The following SLC2A12 variants were observed in gnomAD, a reference collection of about 807,000 sequenced individuals.
SLC2A12 encodes solute carrier family 2, facilitated glucose transporter member 12.
In SLC2A12, 23 loss-of-function variants were observed where a neutral mutation model predicts 41.8. That is an observed-to-expected ratio of 0.55 (90% CI 0.40 to 0.78). The LOEUF (loss-of-function observed/expected upper bound fraction) is 0.78. Ranked by LOEUF, SLC2A12 falls within the 30% of genes least tolerant of loss-of-function variation. The pLI, the probability that SLC2A12 is intolerant of heterozygous loss-of-function variation, is 0.00. For missense variants in SLC2A12, 654 were observed against 745.6 expected (o/e 0.88, Z 1.43); for synonymous variants, 295 against 285.9 (o/e 1.03, Z -0.32).
Position 134,029,697 on chromosome 6 carries a change from G to A in SLC2A12, c.128C>T (p.Ser43Leu). ...ARGCGMFTFL[S>L]SVTAAVSGLL... ...GCCACTGACAGCAGCAGTGACAGAT[G>A]ACAGGAAGGTAAACATGCCGCAGCC... Residue 43 changes from serine (S) to leucine (L), a missense_variant, in exon 2 of 5, where the codon TCA becomes TTA. Transcript: ENST00000275230. 1 of 1,603,578 alleles carries A rather than the reference G, an allele frequency of 6.2e-7. No homozygotes were observed. Among genetic ancestry groups the A allele is most frequent in the Non-Finnish European group, 8.5e-7 (1 of 1,177,130 alleles).
chr6:134,019,956 C>T (rs540424182), intron 2 of SLC2A12, among the ~76,000 whole-genome samples: 6 of 147,364 alleles, frequency 4.1e-5, no homozygotes, highest in Admixed American at 7.0e-5. Flanking sequence ...ACTCAGGAGG[C>T]GGAGATTGCA....
At chr6:133,998,204 G>T (rs182456745) in intron 4 of SLC2A12, among the ~76,000 whole-genome samples, 1 of 152,208 alleles carries the variant, frequency 6.6e-6, no homozygotes, top group Admixed American at 6.5e-5. Flanking sequence ...AATAAGTTCT[G>T]TTGGGTTTTA....
At chr6:134,026,624 T>C (rs763006113) in intron 2 of SLC2A12, among the ~76,000 whole-genome samples, 34 of 152,296 alleles carry the variant, frequency 2.2e-4, no homozygotes, top group Non-Finnish European at 3.7e-4. Flanking sequence ...TTAATGGTAA[T>C]TATCATTGTT....
In SLC2A12 at chr6:134,028,406, A is replaced by G; in HGVS notation, c.1419T>C (p.Ala473=). 1.2e-6 allele frequency: 2 copies of G among 1,613,134 alleles called. No homozygotes were observed. The change falls in exon 2 of 5, where the codon GCT becomes GCC. Residue 473 remains alanine, a synonymous_variant. Transcript: ENST00000275230. ...LSLASLLVYV[A]AFSIGLGPMP... ...TTGGTCCTAGACCAATTGAAAAAGC[A>G]GCAACATAAACAAGCAAGCTGGCTA...
chr6:134,044,147 G>C (rs575308566), intron 1 of SLC2A12, among the ~76,000 whole-genome samples: 14 of 152,236 alleles, frequency 9.2e-5, no homozygotes, highest in African/African-American at 3.4e-4. Context: ...AGTCTCCAGG[G>C]ACTGGCTGAA....
chr6:134,037,977 T>A (rs1307758153), intron 1 of SLC2A12, among the ~76,000 whole-genome samples: 3 of 152,094 alleles, frequency 2.0e-5, no homozygotes, highest in Non-Finnish European at 4.4e-5. Flanking sequence ...TATTGACAAA[T>A]ACTGGGTACA....
intron 1 of SLC2A12, among the ~76,000 whole-genome samples, chr6:134,044,500 G>T (rs1486277102): frequency 1.3e-5 from 2 of 152,054 alleles, no homozygotes; most frequent in Admixed American, 1.3e-4. Flanking sequence ...GATCACTTGA[G>T]GTCAGGAGTT....
intron 1 of SLC2A12, among the ~76,000 whole-genome samples, chr6:134,039,788 G>A (rs563514313): frequency 4.6e-5 from 7 of 152,200 alleles, no homozygotes; most frequent in Non-Finnish European, 8.8e-5. Context: ...CATCTGCTTG[G>A]TGATAAGTGA....
intron 1 of SLC2A12, among the ~76,000 whole-genome samples, chr6:134,036,310 G>C (rs188011817): frequency 1.3e-5 from 2 of 152,050 alleles, no homozygotes; most frequent in African/African-American, 4.8e-5. Context: ...TGGCCTTGCA[G>C]CTATGGCCTG....
intron 1 of SLC2A12, among the ~76,000 whole-genome samples, chr6:134,046,780 A>G (rs1314302811): frequency 6.6e-6 from 1 of 152,172 alleles, no homozygotes; most frequent in Non-Finnish European, 1.5e-5. Flanking sequence ...TCCAGCCTGG[A>G]TGACAGAGCA....
chr6:134,003,501 T>G (rs985473976), intron 3 of SLC2A12, among the ~76,000 whole-genome samples: 1 of 152,234 alleles, frequency 6.6e-6, no homozygotes, highest in African/African-American at 2.4e-5. Context: ...GCTAAAAAGT[T>G]ATTCCTTGCT....
In SLC2A12 at chr6:134,052,416, G is replaced by A. The variant is rs777493370; in HGVS notation, c.65C>T (p.Thr22Met). 2.5e-6 allele frequency: 4 copies of A among 1,613,086 alleles called. No homozygotes were observed. In the Admixed American group the frequency reaches 5.0e-5, roughly 20 times the overall value. Residue 22 changes from threonine (T) to methionine (M), a missense_variant, in exon 1 of 5, where the codon ACG becomes ATG. By Grantham distance (81) the Thr-to-Met change is moderately conservative. This residue lies in a region of SLC2A12 where 109 missense variants were observed against 153.0 expected (regional missense o/e 0.71). Coordinates refer to ENST00000275230, the MANE Select transcript of SLC2A12 (RefSeq NM_145176.3). ...LLNQKGTAVE[T>M]EGSGSRHPPW... ...AGGATGCCGGCTGCCGCTGCCCTCC[G>A]TCTCCACGGCTGTCCCCTTCTGGTT...
chr6:134,040,360 T>C (rs1057059062), intron 1 of SLC2A12, among the ~76,000 whole-genome samples: 7 of 152,170 alleles, frequency 4.6e-5, no homozygotes, highest in African/African-American at 1.7e-4. Flanking sequence ...ATTACAGGTG[T>C]GAGCCACCAC....
chr6:134,020,022 C>T (rs1245617529), intron 2 of SLC2A12, among the ~76,000 whole-genome samples: 5 of 130,976 alleles, frequency 3.8e-5, no homozygotes, highest in African/African-American at 1.4e-4. Flanking sequence ...GAGATTCCAT[C>T]TCAAAAAAAA....
At chr6:134,038,411 G>T (rs1345598278) in intron 1 of SLC2A12, among the ~76,000 whole-genome samples, 1 of 142,512 alleles carries the variant, frequency 7.0e-6, no homozygotes, top group South Asian at 2.2e-4. Flanking sequence ...GCCCAGGCTG[G>T]AGTGTAGTGG....
chr6:134,012,862 T>A (rs996292045), intron 2 of SLC2A12, among the ~76,000 whole-genome samples: 1 of 152,106 alleles, frequency 6.6e-6, no homozygotes. Flanking sequence ...TCCTAGCTAC[T>A]CAGGAGGCAT....
At chr6:133,991,479 A>G (rs1211963555) in intron 4 of SLC2A12, among the ~76,000 whole-genome samples, 171 bp from the exon 5 acceptor site, 3 of 152,222 alleles carry the variant, frequency 2.0e-5, no homozygotes, top group Non-Finnish European at 4.4e-5. Flanking sequence ...TATGCCACAG[A>G]CTTTGGTCAA....
At chr6:134,031,709 T>C (rs1217577627) in intron 1 of SLC2A12, among the ~76,000 whole-genome samples, 1 of 152,196 alleles carries the variant, frequency 6.6e-6, no homozygotes, top group African/African-American at 2.4e-5. Flanking sequence ...TTGGACTTAG[T>C]AAAATGGTTT....
chr6:134,026,311 G>GA (rs1260305635), intron 2 of SLC2A12, among the ~76,000 whole-genome samples: 1 of 152,160 alleles, frequency 6.6e-6, no homozygotes, highest in Non-Finnish European at 1.5e-5. Context: ...ACTACCACCT[G>GA]AAGTTTATCA....
Sources: gnomAD v4.1 joint callset for allele counts (sites outside exome capture counted in the v4.1 genomes callset) on GRCh38, gnomAD v4.1.1 for gene constraint, gnomAD v4.1.1 regional missense constraint, MANE v1.5 for transcripts, NCBI Gene and HGNC (gene_info 2026-07-23, HGNC 2026-07-21) for gene names.